Variants in PTPRN2 observed in about 807,000 individuals in gnomAD.
PTPRN2 encodes protein tyrosine phosphatase receptor type N2, also known as receptor-type tyrosine-protein phosphatase N2.
In PTPRN2, 74 loss-of-function variants were observed where a neutral mutation model predicts 118.8. The observed-to-expected ratio is 0.62, with a 90% CI of 0.52 to 0.76. The LOEUF (loss-of-function observed/expected upper bound fraction) is 0.76, where lower values mean the gene tolerates loss of function less well. Among genes scored for constraint, PTPRN2 ranks in the 30% least tolerant of loss-of-function variants. The pLI, the probability that PTPRN2 is intolerant of heterozygous loss-of-function variation, is 0.00. For synonymous variants in PTPRN2, 641 were observed against 608.0 expected, an observed-to-expected ratio of 1.05 and a Z score of -0.80; for missense variants, 1,481 against 1,394.4, an observed-to-expected ratio of 1.06 and a Z score of -0.99.
At chr7:158,568,173 A>G (rs1314427556) in intron 1 of PTPRN2, among the ~76,000 whole-genome samples, 1 of 152,162 alleles carries the variant, frequency 6.6e-6, no homozygotes, top group Non-Finnish European at 1.5e-5. Flanking sequence ...GAATCGCTTG[A>G]GCCCTGGAGG....
Position 157,800,801 on chromosome 7 carries a change from A to T in PTPRN2, c.1788+97872T>A, listed in dbSNP as rs554816896. 3.6e-3 allele frequency among the ~76,000 whole-genome samples: 545 copies of T among 151,810 alleles called. 5 individuals carry two copies. Among genetic ancestry groups the T allele is most frequent in the African/African-American group, 0.013 (526 of 41,404 alleles). On this transcript the variant is annotated intron_variant, in intron 12 of 22. Transcript: ENST00000389418. ...CCCCGTCTCTACTAAAAATACAAAAAACCAGCCGGGTGTGGTGGCGGGCAC... is the reference window on the plus strand; with the variant it reads ...CCCCGTCTCTACTAAAAATACAAAATACCAGCCGGGTGTGGTGGCGGGCAC...
intron 3 of PTPRN2, among the ~76,000 whole-genome samples, chr7:158,206,579 G>A (rs1200683055): frequency 6.6e-6 from 1 of 152,040 alleles, no homozygotes; most frequent in Non-Finnish European, 1.5e-5. Flanking sequence ...GGGGGAGAGA[G>A]AGAGACCGTC....
At chr7:157,546,293 G>A (rs1434301614) in intron 22 of PTPRN2, among the ~76,000 whole-genome samples, 2 of 152,172 alleles carry the variant, frequency 1.3e-5, no homozygotes, top group Non-Finnish European at 2.9e-5. Flanking sequence ...TTATATTTAA[G>A]TTCTGGGATA....
intron 12 of PTPRN2, among the ~76,000 whole-genome samples, chr7:157,730,282 G>T (rs1799820574): frequency 1.3e-5 from 2 of 152,136 alleles, no homozygotes; most frequent in African/African-American, 4.8e-5. Flanking sequence ...TGGCTTTAAG[G>T]CTCGTCTTCT....
chr7:157,788,251 T>C (rs746438482), intron 12 of PTPRN2, among the ~76,000 whole-genome samples: 7 of 152,024 alleles, frequency 4.6e-5, no homozygotes, highest in Non-Finnish European at 7.4e-5. Flanking sequence ...AGCATGAGCC[T>C]GTAGTCCCAG....
intron 11 of PTPRN2, among the ~76,000 whole-genome samples, chr7:157,938,458 G>A (rs549569959): frequency 1.3e-5 from 2 of 152,296 alleles, no homozygotes; most frequent in Admixed American, 6.5e-5. Flanking sequence ...GACACTATAA[G>A]CAGACCTGCA....
At chr7:158,152,053 A>C (rs939203728) in intron 6 of PTPRN2, among the ~76,000 whole-genome samples, 1 of 151,960 alleles carries the variant, frequency 6.6e-6, no homozygotes, top group Non-Finnish European at 1.5e-5. Flanking sequence ...AGACGCCTGT[A>C]GTCCCAGCTA....
chr7:158,249,765 C>T (rs935287246), intron 3 of PTPRN2, among the ~76,000 whole-genome samples: 10 of 152,250 alleles, frequency 6.6e-5, no homozygotes, highest in Admixed American at 2.0e-4. Flanking sequence ...CAGATGCCCT[C>T]TGTGACATCA....
chr7:158,550,341 C>A (rs1826568870), intron 1 of PTPRN2, among the ~76,000 whole-genome samples: 1 of 152,210 alleles, frequency 6.6e-6, no homozygotes, highest in Non-Finnish European at 1.5e-5. Context: ...ACTTGGGAAT[C>A]CAAGATGGAG....
chr7:157,600,447 G>T (rs1801607355), intron 16 of PTPRN2, among the ~76,000 whole-genome samples: 1 of 152,216 alleles, frequency 6.6e-6, no homozygotes, highest in East Asian at 1.9e-4. Context: ...TTGAGACAGG[G>T]TCTTGTTCTT....
At chr7:158,461,660 A>C (rs1050657453) in intron 2 of PTPRN2, among the ~76,000 whole-genome samples, 2 of 151,982 alleles carry the variant, frequency 1.3e-5, no homozygotes, top group African/African-American at 4.8e-5. Context: ...GTCTCCTGCC[A>C]CTCCCACTGG....
intron 12 of PTPRN2, among the ~76,000 whole-genome samples, chr7:157,873,374 C>T (rs931852772): frequency 6.6e-6 from 1 of 152,244 alleles, no homozygotes; most frequent in African/African-American, 2.4e-5. Context: ...CCTGGAGAAA[C>T]CCCCGGAGGG....
intron 12 of PTPRN2, among the ~76,000 whole-genome samples, chr7:157,739,988 T>C (rs1800528656): frequency 6.6e-6 from 1 of 152,260 alleles, no homozygotes; most frequent in African/African-American, 2.4e-5. Context: ...ACTGGGACTG[T>C]ATGGAGTTTC....
intron 2 of PTPRN2, among the ~76,000 whole-genome samples, chr7:158,403,665 G>A (rs111405875): frequency 1.0e-3 from 155 of 152,282 alleles, no homozygotes; most frequent in South Asian, 3.7e-3. Flanking sequence ...CAGGCAGTGC[G>A]GCAGCCGGGA....
intron 3 of PTPRN2, among the ~76,000 whole-genome samples, chr7:158,312,664 T>C (rs1801933168): frequency 6.9e-6 from 1 of 145,934 alleles, no homozygotes; most frequent in Non-Finnish European, 1.5e-5. Flanking sequence ...CATGCATGTG[T>C]GCCTGCCTGC....
intron 11 of PTPRN2, among the ~76,000 whole-genome samples, chr7:157,966,023 G>A (rs1270070463): frequency 1.3e-5 from 2 of 152,162 alleles, no homozygotes; most frequent in East Asian, 1.9e-4. Context: ...GACACAGAAA[G>A]CTTGATTCAC....
chr7:158,016,358 GA>G (rs1231874183), intron 11 of PTPRN2, among the ~76,000 whole-genome samples: 5 of 152,230 alleles, frequency 3.3e-5, no homozygotes, highest in Non-Finnish European at 5.9e-5. Context: ...GCGCCTGGCT[GA>G]AGGGCGAGGG....
At chr7:158,548,263 G>T (rs538677665) in intron 1 of PTPRN2, among the ~76,000 whole-genome samples, 1 of 152,336 alleles carries the variant, frequency 6.6e-6, no homozygotes, top group African/African-American at 2.4e-5. Flanking sequence ...AAACCTCACT[G>T]CTCTGAACGG....
rs1821001679 is a variant in PTPRN2, at chr7:158,151,069, CCACTCTTGCCCCTGCCTGCCCAA to C, written c.911-12577_911-12555del. 1.7e-5 allele frequency among the ~76,000 whole-genome samples: 2 copies of C among 118,302 alleles called. 1 individual carries two copies. Among genetic ancestry groups the C allele is most frequent in the Non-Finnish European group, 3.7e-5 (2 of 54,090 alleles). The allele number at this position is 118,302 out of a possible 152,430, so 77.6% of individuals were successfully genotyped here. A position where few individuals can be genotyped will look rare whatever the true frequency, so the allele number is the denominator to read the frequency against. ...CTGCCTGCCCACACTGCCCGCCTTT[CCACTCTTGCCCCTGCCTGCCCAA>C]ACCGCCCGCCTTTCTGCTCCTACCC... On this transcript the variant is annotated intron_variant, in intron 6 of 22. Transcript: ENST00000389418.
Sources: gnomAD v4.1 joint callset for allele counts (sites outside exome capture counted in the v4.1 genomes callset) on GRCh38, gnomAD v4.1.1 for gene constraint, MANE v1.5 for transcripts, NCBI Gene and HGNC (gene_info 2026-07-23, HGNC 2026-07-21) for gene names.